The following CAMSAP1 variants were observed in gnomAD, a reference collection of about 807,000 sequenced individuals.
The protein encoded by CAMSAP1 is calmodulin regulated spectrin associated protein 1, also known as calmodulin-regulated spectrin-associated protein 1.
In CAMSAP1, 58 loss-of-function variants were observed where a neutral mutation model predicts 143.5. That is an observed-to-expected ratio of 0.40 (90% CI 0.33 to 0.50). CAMSAP1 has a LOEUF of 0.50. Among genes scored for constraint, CAMSAP1 ranks in the 20% least tolerant of loss-of-function variants. The pLI, the probability that CAMSAP1 is intolerant of heterozygous loss-of-function variation, is 0.45. For missense variants in CAMSAP1, 1,969 were observed against 2,115.7 expected (o/e 0.93, Z 1.36); for synonymous variants, 945 against 859.3 (o/e 1.10, Z -1.74).
intron 3 of CAMSAP1, among the ~76,000 whole-genome samples, chr9:135,879,257 A>G (rs951350774): frequency 7.2e-5 from 11 of 152,208 alleles, no homozygotes; most frequent in Non-Finnish European, 1.5e-4. Context: ...AAGGAAAATG[A>G]TGTCTCTGGT....
At position 135,824,491 on chromosome 9, in the gene CAMSAP1, C is replaced by G. The variant is rs536046453; in HGVS notation, c.1315+298G>C. On this transcript the variant is annotated intron_variant, in intron 9 of 16. Transcript: ENST00000389532. The surrounding 1 kb of genome is among the most constrained non-coding windows in gnomAD (Gnocchi z 4.1). The stretch of plus-strand genomic sequence containing the variant: ...ACCATCCTGGCCGACATGATGAAAC[C>G]CTGTCTCTACTAAAAATACAAAAAT... Among the ~76,000 whole-genome samples, 1 of 152,190 alleles carries G rather than the reference C, an allele frequency of 6.6e-6. No individual in the cohort carries two copies. Among genetic ancestry groups the G allele is most frequent in the African/African-American group, 2.4e-5 (1 of 41,520 alleles).
chr9:135,853,722 A>G (rs1836857111), intron 5 of CAMSAP1, among the ~76,000 whole-genome samples: 1 of 152,238 alleles, frequency 6.6e-6, no homozygotes, highest in African/African-American at 2.4e-5. Flanking sequence ...GGCACAGGGC[A>G]GCCCTGGCTA....
At chr9:135,850,526 A>T (rs1472916766) in intron 5 of CAMSAP1, 65 bp from the exon 6 acceptor site, 1 of 1,347,220 alleles carries the variant, frequency 7.4e-7, no homozygotes. Context: ...AGAGAGAAGC[A>T]TTCTAAAATG....
intron 5 of CAMSAP1, among the ~76,000 whole-genome samples, chr9:135,858,152 GC>G (rs1008185531): frequency 6.8e-5 from 9 of 132,786 alleles, no homozygotes; most frequent in Non-Finnish European, 9.9e-5. Flanking sequence ...CCTCCACTTT[GC>G]CTTTTTTTTT....
At chr9:135,833,546 A>G (rs910910313) in intron 7 of CAMSAP1, among the ~76,000 whole-genome samples, 1 of 152,234 alleles carries the variant, frequency 6.6e-6, no homozygotes, top group Non-Finnish European at 1.5e-5. Context: ...AAGGTGCCAA[A>G]AATACACCAT....
chr9:135,896,545 C>T (rs1476413974), intron 1 of CAMSAP1, among the ~76,000 whole-genome samples: 1 of 152,192 alleles, frequency 6.6e-6, no homozygotes. Context: ...AACACTCCAC[C>T]AAGTTACAGC....
chr9:135,903,905 C>T (rs945732952), intron 1 of CAMSAP1, among the ~76,000 whole-genome samples: 5 of 152,242 alleles, frequency 3.3e-5, no homozygotes, highest in Non-Finnish European at 2.9e-5. Flanking sequence ...CCCCTCCCCA[C>T]TCAGTCTCTT....
chr9:135,836,784 A>C (rs1308901686), intron 7 of CAMSAP1: 4 of 983,288 alleles, frequency 4.1e-6, no homozygotes, highest in South Asian at 4.7e-5. Flanking sequence ...TTCTACAGAC[A>C]CACATCATCA....
Position 135,821,221 on chromosome 9 carries a change from T to C in CAMSAP1, c.3440A>G (p.Asp1147Gly), listed in dbSNP as rs577581162. 21 of 1,608,218 alleles carry C rather than the reference T, an allele frequency of 1.3e-5. No individual in the cohort carries two copies. The highest frequency in any genetic ancestry group is 1.8e-5 in the Non-Finnish European group (21 of 1,179,788). Residue 1147 changes from aspartate (D) to glycine (G), a missense_variant, in exon 11 of 17, where the codon GAC becomes GGC. Physicochemically the swap from Asp to Gly is moderately conservative, Grantham distance 94. Coordinates refer to ENST00000389532, the MANE Select transcript of CAMSAP1 (RefSeq NM_015447.4). This position sits in a 1 kb window ranked among gnomAD's most constrained non-coding sequence, Gnocchi z 4.6. Reference protein sequence around the residue: ...PASSHPRTPTDPGLDSALEPS... With the variant: ...PASSHPRTPTGPGLDSALEPS... ...CTCCAGGGCACTGTCCAGGCCAGGG[T>C]CCGTGGGCGTCCGAGGGTGGCTGCT...
chr9:135,856,379 G>A (rs1323100009), intron 5 of CAMSAP1, among the ~76,000 whole-genome samples: 1 of 152,102 alleles, frequency 6.6e-6, no homozygotes, highest in Non-Finnish European at 1.5e-5. Flanking sequence ...ACAGTATGGG[G>A]GAAACTGCCC....
intron 1 of CAMSAP1, among the ~76,000 whole-genome samples, chr9:135,900,329 TA>T (rs1247272167): frequency 6.6e-6 from 1 of 151,844 alleles, no homozygotes; most frequent in Admixed American, 6.6e-5. Context: ...CACCCCCAGA[TA>T]TAAGTTTAAT....
At chr9:135,830,075 G>GA (rs1361817363) in intron 7 of CAMSAP1, among the ~76,000 whole-genome samples, 1 of 150,774 alleles carries the variant, frequency 6.6e-6, no homozygotes, top group Non-Finnish European at 1.5e-5. Context: ...TTACACAAAA[G>GA]AAAAAAAGAA....
chr9:135,813,824 G>T (rs539446309), intron 16 of CAMSAP1, among the ~76,000 whole-genome samples: 9 of 152,220 alleles, frequency 5.9e-5, no homozygotes, highest in Admixed American at 5.2e-4. Flanking sequence ...AGTGTGCCTT[G>T]TGACCAGCCC....
In CAMSAP1 at chr9:135,818,720, C is replaced by A; in HGVS notation, c.3960-104G>T. 7.4e-7 allele frequency: 1 copy of A among 1,359,688 alleles called. No individual in the cohort carries two copies. The highest frequency in any genetic ancestry group is 1.4e-5 in the South Asian group (1 of 70,336). The allele number at this position is 1,359,688 out of a possible 1,614,324, so 84.2% of individuals were successfully genotyped here. On this transcript the variant is annotated intron_variant, in intron 12 of 16. Transcript: ENST00000389532. The surrounding 1 kb of genome is among the most constrained non-coding windows in gnomAD (Gnocchi z 7.7). ...GCGCGTTTCTCGGGTTCTCCCCGGC[C>A]GCTGGGACCAAGAGTGGCCAGCCTC...
At chr9:135,844,342 T>TG (rs764353835) in intron 7 of CAMSAP1, among the ~76,000 whole-genome samples, 1 of 152,186 alleles carries the variant, frequency 6.6e-6, no homozygotes, top group Non-Finnish European at 1.5e-5. Flanking sequence ...AACCTGCTCC[T>TG]GAATGACTAC....
chr9:135,871,437 C>T (rs1200945474), intron 3 of CAMSAP1, among the ~76,000 whole-genome samples: 2 of 152,184 alleles, frequency 1.3e-5, no homozygotes, highest in Admixed American at 1.3e-4. Context: ...ATCCTCCCAC[C>T]TCAGCCTACC....
chr9:135,865,230 C>CA, intron 4 of CAMSAP1: 10 of 1,175,066 alleles, frequency 8.5e-6, no homozygotes, highest in Non-Finnish European at 1.2e-5. Flanking sequence ...TAAACAACAA[C>CA]AACAAAAAAA....
At chr9:135,894,066 C>G (rs1401015916) in intron 1 of CAMSAP1, among the ~76,000 whole-genome samples, 1 of 152,148 alleles carries the variant, frequency 6.6e-6, no homozygotes, top group Non-Finnish European at 1.5e-5. Context: ...AGAGGCAACC[C>G]AGGTACACTT....
intron 7 of CAMSAP1, among the ~76,000 whole-genome samples, chr9:135,837,555 A>G (rs190890364): frequency 1.1e-3 from 166 of 150,530 alleles, no homozygotes; most frequent in African/African-American, 3.9e-3. Context: ...CTACAGACAC[A>G]CATCATCACG....
Sources: gnomAD v4.1 joint callset for allele counts (sites outside exome capture counted in the v4.1 genomes callset) on GRCh38, gnomAD v4.1.1 for gene constraint, Gnocchi (gnomAD v3.1) non-coding constraint, MANE v1.5 for transcripts, NCBI Gene and HGNC (gene_info 2026-07-23, HGNC 2026-07-21) for gene names.